The following PCDHA11 variants were observed in gnomAD, a reference collection of about 807,000 sequenced individuals.
PCDHA11 encodes protocadherin alpha 11, also known as protocadherin alpha-11.
In PCDHA11, 61 loss-of-function variants were observed where a neutral mutation model predicts 70.3. The observed-to-expected ratio is 0.87, with a 90% CI of 0.71 to 1.07. PCDHA11 has a LOEUF of 1.07. Ranked by LOEUF, PCDHA11 falls within the 50% of genes least tolerant of loss-of-function variation. PCDHA11 has a pLI of 0.00. For synonymous variants in PCDHA11, 633 were observed against 555.1 expected (o/e 1.14, Z -1.97); for missense variants, 1,324 against 1,237.5 (o/e 1.07, Z -1.05).
At chr5:140,916,550 A>G (rs1355799677) in intron 1 of PCDHA11, among the ~76,000 whole-genome samples, 5 of 152,052 alleles carry the variant, frequency 3.3e-5, no homozygotes, top group Admixed American at 1.3e-4. Flanking sequence ...TGGGTTTTCT[A>G]TTTGTCCAGG....
At chr5:140,882,127 C>G in intron 1 of PCDHA11, 2 of 1,464,686 alleles carry the variant, frequency 1.4e-6, no homozygotes. Flanking sequence ...TTTCTTTCTT[C>G]CTGCAGAAAA....
intron 1 of PCDHA11, among the ~76,000 whole-genome samples, chr5:140,945,758 G>A (rs1483102794): frequency 6.6e-6 from 1 of 152,014 alleles, no homozygotes; most frequent in Non-Finnish European, 1.5e-5. Flanking sequence ...ATAAATGGTG[G>A]TGGGACAATT....
At chr5:140,886,555 C>T (rs1441725788) in intron 1 of PCDHA11, among the ~76,000 whole-genome samples, 3 of 151,830 alleles carry the variant, frequency 2.0e-5, no homozygotes, top group Non-Finnish European at 4.4e-5. Context: ...CAGCTGGGCA[C>T]GGTGGCTCAC....
chr5:140,942,237 T>C (rs2153657846), intron 1 of PCDHA11, among the ~76,000 whole-genome samples: 1 of 152,214 alleles, frequency 6.6e-6, no homozygotes, highest in East Asian at 1.9e-4. Context: ...GCAAATAAGA[T>C]ATCCATATCA....
chr5:140,941,963 T>A (rs2093209364), intron 1 of PCDHA11, among the ~76,000 whole-genome samples: 1 of 152,230 alleles, frequency 6.6e-6, no homozygotes. Flanking sequence ...CAATAGTATC[T>A]TTACTTTCCC....
chr5:140,875,949 T>G (rs1306170767), intron 1 of PCDHA11: 3 of 1,614,214 alleles, frequency 1.9e-6, no homozygotes, highest in East Asian at 4.5e-5. Flanking sequence ...GCGCTTCTGA[T>G]GCGGATATCG....
chr5:140,927,848 G>A (rs1295513512), intron 1 of PCDHA11: 3 of 1,614,062 alleles, frequency 1.9e-6, no homozygotes, highest in Non-Finnish European at 2.5e-6. Context: ...GGTGTCTTTG[G>A]TTTAGCTAGC....
intron 1 of PCDHA11, among the ~76,000 whole-genome samples, chr5:140,930,720 A>T (rs574022781): frequency 5.3e-5 from 8 of 152,226 alleles, no homozygotes; most frequent in Non-Finnish European, 8.8e-5. Flanking sequence ...TCAAGTAATG[A>T]TGTTAACTGC....
chr5:140,875,360 GA>G, intron 1 of PCDHA11: 1 of 1,447,846 alleles, frequency 6.9e-7, no homozygotes, highest in Non-Finnish European at 9.1e-7. Context: ...TGTGATGCTG[GA>G]AAAAATTTAC....
chr5:140,966,042 G>T (rs1554228004), intron 1 of PCDHA11, among the ~76,000 whole-genome samples: 1 of 152,152 alleles, frequency 6.6e-6, no homozygotes, highest in Admixed American at 6.5e-5. Context: ...AGTTCCCATC[G>T]CCAGTAACCC....
chr5:141,006,843 T>A (rs2098291274), intron 3 of PCDHA11, among the ~76,000 whole-genome samples: 1 of 152,154 alleles, frequency 6.6e-6, no homozygotes, highest in Non-Finnish European at 1.5e-5. Context: ...TTACTGAAAC[T>A]GGAAAGATTT....
rs919333995 is a variant in PCDHA11, at chr5:140,869,010, T to C, written c.-94T>C. ...CCACCGTTTAAGGATCCTTTGAAACTTCTTAAGAATTCAACGAGATTTTTA... is the reference window on the plus strand; with the variant it reads ...CCACCGTTTAAGGATCCTTTGAAACCTCTTAAGAATTCAACGAGATTTTTA... On this transcript the variant is annotated 5_prime_UTR_variant, in exon 1 of 4. Coordinates refer to ENST00000398640, the MANE Select transcript of PCDHA11 (RefSeq NM_018902.5). 2.0e-6 allele frequency: 3 copies of C among 1,523,768 alleles called. No individual in the cohort carries two copies. Among genetic ancestry groups the C allele is most frequent in the African/African-American group, 2.8e-5 (2 of 71,754 alleles). 94.4% of individuals were successfully genotyped at this position (1,523,768 alleles called of 1,614,324 possible). A position where few individuals can be genotyped will look rare whatever the true frequency, so the allele number is the denominator to read the frequency against.
chr5:140,946,611 A>AATATATATATAT lies in PCDHA11; in HGVS notation c.2392-32328_2392-32317dup, dbSNP rs1554217734. 3.4e-3 allele frequency among the ~76,000 whole-genome samples: 291 copies of AATATATATATAT among 86,770 alleles called. 7 individuals carry two copies. The highest frequency in any genetic ancestry group is 4.0e-3 in the Non-Finnish European group (186 of 46,640). 56.9% of individuals were successfully genotyped at this position (86,770 alleles called of 152,430 possible). A position where few individuals can be genotyped will look rare whatever the true frequency, so the allele number is the denominator to read the frequency against. On this transcript the variant is annotated intron_variant, in intron 1 of 3. Coordinates refer to ENST00000398640, the MANE Select transcript of PCDHA11 (RefSeq NM_018902.5). ...GGATGAATAGATAAAGAAAATGTGA[A>AATATATATATAT]ATATATATATATATATATATACAAT...
At chr5:140,896,114 G>A (rs1165904850) in intron 1 of PCDHA11, among the ~76,000 whole-genome samples, 1 of 152,030 alleles carries the variant, frequency 6.6e-6, no homozygotes, top group Non-Finnish European at 1.5e-5. Context: ...CCTGGCCAAT[G>A]TACTGCATTT....
intron 1 of PCDHA11, among the ~76,000 whole-genome samples, chr5:140,872,191 T>A (rs1168972133): frequency 1.3e-5 from 2 of 152,162 alleles, no homozygotes; most frequent in Non-Finnish European, 1.5e-5. Flanking sequence ...GTGTTAAACG[T>A]TCATCATAAA....
intron 1 of PCDHA11, among the ~76,000 whole-genome samples, chr5:140,893,520 T>G (rs1490032872): frequency 6.6e-6 from 1 of 152,152 alleles, no homozygotes; most frequent in Non-Finnish European, 1.5e-5. Flanking sequence ...GTTGTAGAAC[T>G]CCTTTAAGTA....
At position 140,876,284 on chromosome 5, in the gene PCDHA11, A is replaced by C. The variant is rs781831935; in HGVS notation, c.2391+4790A>C. 1.7e-5 allele frequency: 27 copies of C among 1,613,954 alleles called. No homozygotes were observed. The highest frequency in any genetic ancestry group is 2.3e-5 in the Non-Finnish European group (27 of 1,179,908). ...CAACTAAATGCTTCCGATCCAGACG[A>C]AGGACTTAATGGAGAAATTTCCTAT... On this transcript the variant is annotated intron_variant, in intron 1 of 3. Transcript: ENST00000398640.
At chr5:140,928,471 G>T in intron 1 of PCDHA11, 1 of 1,614,148 alleles carries the variant, frequency 6.2e-7, no homozygotes, top group Non-Finnish European at 8.5e-7. Context: ...CCAAGTAGAA[G>T]GCCGGGATGG....
At chr5:140,926,190 ACTT>A (rs1468050055) in intron 1 of PCDHA11, among the ~76,000 whole-genome samples, 2 of 151,766 alleles carry the variant, frequency 1.3e-5, no homozygotes, top group South Asian at 2.2e-4. Flanking sequence ...CCCCCGCAGC[ACTT>A]CTTTCGGGGG....
Sources: gnomAD v4.1 joint callset for allele counts (sites outside exome capture counted in the v4.1 genomes callset) on GRCh38, gnomAD v4.1.1 for gene constraint, MANE v1.5 for transcripts, NCBI Gene and HGNC (gene_info 2026-07-23, HGNC 2026-07-21) for gene names.